PATJ: variants seen among roughly 807,000 people sequenced by gnomAD.
The protein encoded by PATJ is inaD-like protein.
A neutral mutation model predicts 224.9 loss-of-function variants in PATJ; 190 were observed. That is an observed-to-expected ratio of 0.84 (90% CI 0.75 to 0.95). PATJ has a LOEUF of 0.95. PATJ is among the 40% of genes least tolerant of loss of function. The pLI, the probability that PATJ is intolerant of heterozygous loss-of-function variation, is 0.00. For missense variants in PATJ, 2,121 were observed against 2,270.3 expected (o/e 0.93, Z 1.34); for synonymous variants, 769 against 820.3 (o/e 0.94, Z 1.07).
intron 28 of PATJ, among the ~76,000 whole-genome samples, chr1:61,998,012 AT>A (rs1163287825): frequency 8.6e-6 from 1 of 115,724 alleles, no homozygotes; most frequent in East Asian, 2.4e-4. Context: ...TATTATATAT[AT>A]TAATTATATA....
chr1:62,158,097 T>C (rs1412981780), intron 43 of PATJ, among the ~76,000 whole-genome samples: 2 of 149,468 alleles, frequency 1.3e-5, no homozygotes, highest in South Asian at 2.2e-4. Context: ...AGGTAGATAG[T>C]AGATGCCCAT....
chr1:61,795,696 A>G, intron 10 of PATJ, 138 bp downstream of exon 10: 2 of 493,808 alleles, frequency 4.1e-6, no homozygotes, highest in Non-Finnish European at 7.1e-6. Context: ...TATACAGTGA[A>G]ATCTCATTAT....
At position 62,018,679 on chromosome 1, in the gene PATJ, T is replaced by C. The variant is rs967124199; in HGVS notation, c.3959+732T>C. Among the ~76,000 whole-genome samples the C allele has an allele frequency of 4.6e-5, 7 of 152,222 alleles. No homozygotes were observed. The highest frequency in any genetic ancestry group is 1.7e-4 in the African/African-American group (7 of 41,458). On this transcript the variant is annotated intron_variant, in intron 29 of 43. Transcript: ENST00000642238. The surrounding 1 kb of genome is among the most constrained non-coding windows in gnomAD (Gnocchi z 4.2). ...TGGGACTCAGTTATCATCTGTAAAA[T>C]GGGATAATAAAGCATCTCCCTCATT...
Position 62,163,605 on chromosome 1 carries a change from A to T in PATJ, c.*2551A>T, listed in dbSNP as rs1309605240. The T allele has an allele frequency of 1.3e-5, 2 of 152,616 alleles. No individual in the cohort carries two copies. The highest frequency in any genetic ancestry group is 3.8e-4 in the East Asian group (2 of 5,198). The allele number at this position is 152,616 out of a possible 1,614,324, so 9.5% of individuals were successfully genotyped here. A position where few individuals can be genotyped will look rare whatever the true frequency, so the allele number is the denominator to read the frequency against. On this transcript the variant is annotated 3_prime_UTR_variant, in exon 44 of 44. Coordinates refer to ENST00000642238, the MANE Select transcript of PATJ (RefSeq NM_001350145.3). Reference sequence around the variant, plus strand: ...GATGCTTTATACTTCTTACTGCACTAAATTGATAGAACTAGTACTTGTCAT... The same window carrying T: ...GATGCTTTATACTTCTTACTGCACTTAATTGATAGAACTAGTACTTGTCAT...
At chr1:61,781,371 A>C (rs962961202) in intron 7 of PATJ, among the ~76,000 whole-genome samples, 2 of 152,134 alleles carry the variant, frequency 1.3e-5, no homozygotes, top group African/African-American at 4.8e-5. Context: ...TGGCAGATAA[A>C]ATCTCTTCAG....
intron 27 of PATJ, among the ~76,000 whole-genome samples, chr1:61,958,286 G>A (rs1184846658): frequency 3.3e-5 from 5 of 152,094 alleles, no homozygotes; most frequent in Non-Finnish European, 7.3e-5. Flanking sequence ...ATTTAATCTG[G>A]TTAGTTATTT....
intron 27 of PATJ, among the ~76,000 whole-genome samples, chr1:61,963,188 T>C (rs1006356263): frequency 2.6e-5 from 4 of 152,226 alleles, no homozygotes; most frequent in Non-Finnish European, 4.4e-5. Flanking sequence ...CCCAAAACTT[T>C]ACTAATAGCC....
intron 28 of PATJ, among the ~76,000 whole-genome samples, chr1:61,997,982 T>TTTTTTTTATATATATATATATA (rs374175697): frequency 8.5e-6 from 1 of 118,338 alleles, no homozygotes; most frequent in Non-Finnish European, 1.6e-5. Flanking sequence ...TGTGCCCAGC[T>TTTTTTTTATATATATATATATA]TATATATGTA....
chr1:62,122,975 T>C, intron 38 of PATJ, 46 bp from the exon 39 acceptor site: 1 of 1,268,872 alleles, frequency 7.9e-7, no homozygotes, highest in Non-Finnish European at 1.1e-6. Context: ...ATGCTAAATA[T>C]ATTATTTTTT....
chr1:61,820,477 G>C (rs1273120534), intron 14 of PATJ, among the ~76,000 whole-genome samples: 3 of 152,046 alleles, frequency 2.0e-5, no homozygotes, highest in Non-Finnish European at 4.4e-5. Flanking sequence ...CGAATAGCTG[G>C]GATTACAGGC....
At chr1:62,130,708 G>A (rs1156279773) in intron 41 of PATJ, among the ~76,000 whole-genome samples, 6 of 151,818 alleles carry the variant, frequency 4.0e-5, no homozygotes, top group African/African-American at 1.2e-4. Flanking sequence ...AAAATTAGCC[G>A]GGCATGGTGG....
chr1:61,771,582 A>C lies in PATJ; in HGVS notation c.676A>C (p.Ser226Arg), dbSNP rs760105211. 59 of 1,610,268 alleles carry C rather than the reference A, an allele frequency of 3.7e-5. No individual in the cohort carries two copies. Among genetic ancestry groups the C allele is most frequent in the Non-Finnish European group, 4.5e-5 (53 of 1,179,030 alleles). Residue 226 changes from serine (S) to arginine (R), a missense_variant, in exon 6 of 44, where the codon AGC becomes CGC. Ser to Arg is a moderately radical substitution (Grantham distance 110). Coordinates refer to ENST00000642238, the MANE Select transcript of PATJ (RefSeq NM_001350145.3). The stretch of plus-strand genomic sequence containing the variant: ...GGCCAGGGAACCAGTCCACACAAAA[A>C]GCAGTACTTCTAGCAGCCTAAATGA... ...IVAREPVHTK[S>R]STSSSLNDTT...
chr1:62,103,882 T>A (rs1242617036), intron 33 of PATJ, among the ~76,000 whole-genome samples: 2 of 152,184 alleles, frequency 1.3e-5, no homozygotes, highest in African/African-American at 2.4e-5. Flanking sequence ...GTTAACAGTC[T>A]TCCCCCCAAG....
chr1:61,812,433 A>AGAGAGTGTGTGTGTGT (rs1397549346), intron 14 of PATJ, among the ~76,000 whole-genome samples: 80 of 85,200 alleles, frequency 9.4e-4, no homozygotes, highest in African/African-American at 3.5e-3. Flanking sequence ...AGAGAGAGAG[A>AGAGAGTGTGTGTGTGT]GTGTGTGTGT....
chr1:62,127,536 T>C (rs1292231443), intron 39 of PATJ, among the ~76,000 whole-genome samples: 1 of 151,614 alleles, frequency 6.6e-6, no homozygotes, highest in Admixed American at 6.6e-5. Flanking sequence ...CTGGGTAGGG[T>C]AGTTCACGTC....
chr1:61,872,781 C>T (rs566961405), intron 20 of PATJ, among the ~76,000 whole-genome samples: 15 of 152,284 alleles, frequency 9.9e-5, no homozygotes, highest in African/African-American at 3.4e-4. Context: ...CTTGCTGAAG[C>T]GCCCCACTAC....
At chr1:61,833,461 A>AATTTTT in intron 16 of PATJ, 193 bp from the exon 17 acceptor site, 1 of 430,850 alleles carries the variant, frequency 2.3e-6, no homozygotes, top group South Asian at 5.5e-5. Context: ...TAAGCACTTG[A>AATTTTT]ATTTTTATAA....
chr1:61,929,618 G>A (rs1231228756), intron 27 of PATJ, among the ~76,000 whole-genome samples: 4 of 152,224 alleles, frequency 2.6e-5, no homozygotes, highest in Non-Finnish European at 5.9e-5. Flanking sequence ...TGTGTCCAAA[G>A]TTAGACAGCT....
intron 28 of PATJ, among the ~76,000 whole-genome samples, chr1:62,003,291 C>A (rs757586583): frequency 2.6e-5 from 4 of 152,110 alleles, no homozygotes; most frequent in Admixed American, 2.6e-4. Context: ...TCTATTTTCT[C>A]GAAGTCAGTA....
Sources: allele counts gnomAD v4.1 joint callset (sites outside exome capture counted in the v4.1 genomes callset), GRCh38; gene constraint gnomAD v4.1.1; non-coding constraint Gnocchi (gnomAD v3.1); transcripts MANE v1.5; gene names NCBI Gene and HGNC (gene_info 2026-07-23, HGNC 2026-07-21).